Variants in NCKAP5 observed in about 807,000 individuals in gnomAD.
NCKAP5 encodes the protein nck-associated protein 5.
NCKAP5 carries 92 observed loss-of-function variants against 167.0 expected under a neutral mutation model. The ratio of observed to expected loss-of-function variants is 0.55; its 90% CI spans 0.47 to 0.66. NCKAP5 has a LOEUF of 0.66. NCKAP5 is among the 30% of genes least tolerant of loss of function. The pLI, the probability that NCKAP5 is intolerant of heterozygous loss-of-function variation, is 0.00. For missense variants in NCKAP5, 2,378 were observed against 2,315.0 expected, an observed-to-expected ratio of 1.03 and a Z score of -0.56; for synonymous variants, 891 against 877.4, an observed-to-expected ratio of 1.02 and a Z score of -0.27.
At chr2:133,458,754 G>A (rs1035005188) in intron 3 of NCKAP5, among the ~76,000 whole-genome samples, 9 of 152,096 alleles carry the variant, frequency 5.9e-5, no homozygotes, top group Non-Finnish European at 1.2e-4. Flanking sequence ...GGCAGGAGGG[G>A]GATGAAGAGG....
rs1364012695 is a variant in NCKAP5 at position 132,895,819 on chromosome 2, AAAAAAAAAAAAAAAC to A, written c.580-16918_580-16904del. ...AGCTAACTGAATGAGAAGGACTCAA[AAAAAAAAAAAAAAAC>A]AAAAAAAAAAACACAGTAGGCCAGG... On this transcript the variant is annotated intron_variant, in intron 8 of 19. Coordinates refer to ENST00000409261, the MANE Select transcript of NCKAP5 (RefSeq NM_207363.3). 9.7e-5 allele frequency among the ~76,000 whole-genome samples: 9 copies of A among 92,534 alleles called. No homozygotes were observed. The Admixed American group carries it at 1.0e-3, about 10-fold the overall frequency. The allele number at this position is 92,534 out of a possible 152,430, so 60.7% of individuals were successfully genotyped here.
chr2:133,622,034 CAT>C, the NCKAP5 span, among the ~76,000 whole-genome samples: 1 of 152,028 alleles, frequency 6.6e-6, no homozygotes. Context: ...AAACAAAAAT[CAT>C]ATGATCATCT....
the NCKAP5 span, among the ~76,000 whole-genome samples, chr2:133,593,543 A>G: frequency 6.6e-6 from 1 of 152,104 alleles, no homozygotes; most frequent in African/African-American, 2.4e-5. Context: ...AGTCTGTATT[A>G]TTTTTTATTC....
intron 4 of NCKAP5, among the ~76,000 whole-genome samples, chr2:133,301,316 C>T (rs1680377242): frequency 1.4e-4 from 1 of 6,952 alleles, no homozygotes; most frequent in Non-Finnish European, 2.3e-4. Context: ...GAGCCCGCAT[C>T]GCCAAGTCAA....
intron 11 of NCKAP5, among the ~76,000 whole-genome samples, chr2:132,831,166 A>C (rs1015754685): frequency 4.6e-5 from 7 of 152,326 alleles, no homozygotes; most frequent in Admixed American, 1.3e-4. Context: ...GCTCCATCAC[A>C]CGGAAGAACC....
At chr2:132,730,715 C>T (rs915617415) in intron 17 of NCKAP5, among the ~76,000 whole-genome samples, 1 of 152,204 alleles carries the variant, frequency 6.6e-6, no homozygotes, top group Non-Finnish European at 1.5e-5. Context: ...GAGTACACAA[C>T]CTATAACTAA....
chr2:133,536,898 G>A (rs1331353859), intron 2 of NCKAP5, among the ~76,000 whole-genome samples: 3 of 151,886 alleles, frequency 2.0e-5, no homozygotes, highest in Non-Finnish European at 2.9e-5. Context: ...AGGCAGTGAA[G>A]ATTTACTTCT....
intron 4 of NCKAP5, 64 bp downstream of exon 4, chr2:133,302,973 T>C (rs1680505189): frequency 1.8e-6 from 2 of 1,117,492 alleles, no homozygotes; most frequent in African/African-American, 3.1e-5. Context: ...TGAAATATTT[T>C]AGATCAGCAA....
chr2:133,512,948 C>T (rs1683625941), intron 3 of NCKAP5, among the ~76,000 whole-genome samples: 1 of 152,110 alleles, frequency 6.6e-6, no homozygotes. Flanking sequence ...CTGTCAGTGC[C>T]ACACAGTTCA....
chr2:133,626,156 C>G, the NCKAP5 span, among the ~76,000 whole-genome samples: 1 of 152,104 alleles, frequency 6.6e-6, no homozygotes, highest in African/African-American at 2.4e-5. Context: ...GAATACTGCC[C>G]CTTAGTTCCA....
At chr2:133,277,869 G>A (rs984809024) in intron 4 of NCKAP5, among the ~76,000 whole-genome samples, 1 of 152,102 alleles carries the variant, frequency 6.6e-6, no homozygotes, top group Non-Finnish European at 1.5e-5. Flanking sequence ...AATAAAGGTG[G>A]CATTTCAAAT....
At chr2:132,887,319 T>TTACC (rs1553469530) in intron 8 of NCKAP5, among the ~76,000 whole-genome samples, 8 of 140,788 alleles carry the variant, frequency 5.7e-5, no homozygotes, top group Admixed American at 3.5e-4. Context: ...AACTTTTATT[T>TTACC]TATCTATCTA....
the NCKAP5 span, among the ~76,000 whole-genome samples, chr2:133,615,430 G>T: frequency 1.3e-5 from 2 of 151,916 alleles, no homozygotes; most frequent in Admixed American, 1.3e-4. Flanking sequence ...ACACACATAG[G>T]CTCAAAATAA....
chr2:133,238,336 G>C (rs1042236233), intron 4 of NCKAP5, among the ~76,000 whole-genome samples: 1 of 152,140 alleles, frequency 6.6e-6, no homozygotes, highest in Non-Finnish European at 1.5e-5. Context: ...GGGTCATGGC[G>C]AAGGCAGTGG....
At chr2:132,738,282 G>A (rs1691706918) in intron 16 of NCKAP5, among the ~76,000 whole-genome samples, 1 of 152,100 alleles carries the variant, frequency 6.6e-6, no homozygotes, top group Non-Finnish European at 1.5e-5. Context: ...CCAAGACAAA[G>A]GACAGCCAAC....
chr2:132,979,669 C>G (rs1408305639), intron 7 of NCKAP5, among the ~76,000 whole-genome samples: 1 of 152,206 alleles, frequency 6.6e-6, no homozygotes, highest in East Asian at 1.9e-4. Context: ...ACCAGAATAC[C>G]CATAGTCCTC....
chr2:133,546,749 G>T (rs1368827132), intron 2 of NCKAP5, among the ~76,000 whole-genome samples: 3 of 152,196 alleles, frequency 2.0e-5, no homozygotes, highest in Non-Finnish European at 4.4e-5. Context: ...AACTCTGAGA[G>T]ACATAATGAG....
At chr2:133,377,659 C>T (rs1686239000) in intron 3 of NCKAP5, among the ~76,000 whole-genome samples, 2 of 152,124 alleles carry the variant, frequency 1.3e-5, no homozygotes, top group African/African-American at 4.8e-5. Context: ...CCAGTGACCC[C>T]CTAATTTGCC....
intron 19 of NCKAP5, among the ~76,000 whole-genome samples, chr2:132,678,215 T>C (rs1408133785): frequency 6.6e-6 from 1 of 152,190 alleles, no homozygotes; most frequent in African/African-American, 2.4e-5. Flanking sequence ...ATGTTATGTG[T>C]GTACAGCCAG....
Sources: gnomAD v4.1 joint callset for allele counts (sites outside exome capture counted in the v4.1 genomes callset) on GRCh38, gnomAD v4.1.1 for gene constraint, MANE v1.5 for transcripts, NCBI Gene and HGNC (gene_info 2026-07-23, HGNC 2026-07-21) for gene names.